MTRF1: variants seen among roughly 807,000 people sequenced by gnomAD.
MTRF1 encodes peptide chain release factor 1, mitochondrial.
MTRF1 carries 51 observed loss-of-function variants against 62.9 expected under a neutral mutation model. The observed-to-expected ratio is 0.81, with a 90% CI of 0.65 to 1.02. The LOEUF is 1.02. Ranked by LOEUF, MTRF1 falls within the 50% of genes least tolerant of loss-of-function variation. The probability of loss-of-function intolerance (pLI) is 0.00; values close to 1 mark genes in which losing one functional copy is unlikely to be tolerated. For missense variants in MTRF1, 446 were observed against 530.0 expected (o/e 0.84, Z 1.56); for synonymous variants, 158 against 181.9 (o/e 0.87, Z 1.06).
chr13:41,229,795 C>G (rs1308902576), intron 7 of MTRF1: 1 of 152,102 alleles, frequency 6.6e-6, no homozygotes. Flanking sequence ...TAAATTATGG[C>G]AAGTTACAAA....
At chr13:41,240,507 C>T in intron 5 of MTRF1, 74 bp from the exon 6 acceptor site, 1 of 1,407,524 alleles carries the variant, frequency 7.1e-7, no homozygotes, top group Non-Finnish European at 9.6e-7. Context: ...TGTCCTTAAT[C>T]TAAGGCCTGA....
the MTRF1 span, chr13:41,311,434 C>G: frequency 6.5e-6 from 8 of 1,230,384 alleles, no homozygotes; most frequent in African/African-American, 9.1e-5. Flanking sequence ...CAGCCCGACT[C>G]TCAGCAGCGG....
intron 7 of MTRF1, chr13:41,229,516 T>A (rs1170035083): frequency 1.3e-5 from 2 of 152,104 alleles, no homozygotes; most frequent in Non-Finnish European, 2.9e-5. Flanking sequence ...TAGTCTCTAA[T>A]AACCACAGTT....
chr13:41,232,694 C>T (rs1253014086), intron 7 of MTRF1, among the ~76,000 whole-genome samples: 1 of 152,022 alleles, frequency 6.6e-6, no homozygotes, highest in Non-Finnish European at 1.5e-5. Context: ...GATATAGAAC[C>T]CAAGAAACGG....
the MTRF1 span, among the ~76,000 whole-genome samples, chr13:41,298,327 C>T: frequency 1.2e-3 from 4 of 3,268 alleles, no homozygotes; most frequent in Admixed American, 6.7e-3. Context: ...GCCAGTTCTT[C>T]GTCTTATCCA....
At chr13:41,298,228 G>T in the MTRF1 span, among the ~76,000 whole-genome samples, 2 of 152,022 alleles carry the variant, frequency 1.3e-5, no homozygotes, top group Non-Finnish European at 2.9e-5. Flanking sequence ...TCTTCCTTAG[G>T]TAGGGTATGG....
chr13:41,293,182 AT>A, the MTRF1 span, among the ~76,000 whole-genome samples: 1 of 152,034 alleles, frequency 6.6e-6, no homozygotes, highest in South Asian at 2.1e-4. Flanking sequence ...GTTTAGATGT[AT>A]TTATACATAT....
the MTRF1 span, among the ~76,000 whole-genome samples, chr13:41,295,936 G>A: frequency 6.6e-6 from 1 of 151,964 alleles, no homozygotes; most frequent in African/African-American, 2.4e-5. Flanking sequence ...AGAACATCCA[G>A]CTAATTAAAT....
At chr13:41,231,894 A>C (rs1422758916) in intron 7 of MTRF1, among the ~76,000 whole-genome samples, 1 of 151,386 alleles carries the variant, frequency 6.6e-6, no homozygotes, top group Non-Finnish European at 1.5e-5. Flanking sequence ...AAAAAAAAAA[A>C]AAAGCAAAAA....
intron 1 of MTRF1, 137 bp from the exon 2 acceptor site, chr13:41,261,052 G>T (rs1281543925): frequency 2.3e-6 from 2 of 880,484 alleles, no homozygotes; most frequent in South Asian, 3.8e-5. Flanking sequence ...TTCAACTGCC[G>T]GCTGGCAGCA....
chr13:41,244,436 T>A (rs578216023), intron 5 of MTRF1, among the ~76,000 whole-genome samples: 26 of 152,340 alleles, frequency 1.7e-4, no homozygotes, highest in Middle Eastern at 3.4e-3. Context: ...TGGTTTCAAA[T>A]CTTTTATTTC....
intron 6 of MTRF1, chr13:41,236,118 T>TG (rs1470334557): frequency 9.1e-6 from 1 of 109,560 alleles, no homozygotes; most frequent in Non-Finnish European, 2.2e-5. Flanking sequence ...TTGTTTTTTT[T>TG]GGTTTTTTTT....
chr13:41,237,803 C>G (rs1469474989), intron 6 of MTRF1, among the ~76,000 whole-genome samples: 2 of 152,072 alleles, frequency 1.3e-5, no homozygotes, highest in Non-Finnish European at 2.9e-5. Context: ...CCCAGCCTGA[C>G]TATACATTCT....
the MTRF1 span, among the ~76,000 whole-genome samples, chr13:41,272,591 C>T: frequency 3.7e-4 from 57 of 152,130 alleles, no homozygotes; most frequent in Non-Finnish European, 5.0e-4. Flanking sequence ...CATCACTGAG[C>T]ACTCTAATGG....
intron 5 of MTRF1, among the ~76,000 whole-genome samples, chr13:41,247,780 T>G (rs1229372656): frequency 1.3e-5 from 2 of 152,130 alleles, no homozygotes; most frequent in Admixed American, 6.5e-5. Context: ...CTGCTGAGTA[T>G]GTCTACTCCA....
chr13:41,258,577 A>T lies in MTRF1; in HGVS notation c.415+1916T>A, dbSNP rs558316920. Among the ~76,000 whole-genome samples the T allele has an allele frequency of 5.9e-3, 240 of 40,960 alleles. 6 individuals are homozygous for T. In the South Asian group the frequency reaches 0.12, roughly 20 times the overall value. The allele number at this position is 40,960 out of a possible 152,430, so 26.9% of individuals were successfully genotyped here. On this transcript the variant is annotated intron_variant, in intron 2 of 9. Transcript: ENST00000379480. The stretch of plus-strand genomic sequence containing the variant: ...GGACCATCTCTTAAAAAAAAAAACA[A>T]AAAAAAAAAACATAAAAAATAAATA...
chr13:41,244,383 C>A (rs1456344720), intron 5 of MTRF1, among the ~76,000 whole-genome samples: 1 of 152,100 alleles, frequency 6.6e-6, no homozygotes, highest in East Asian at 1.9e-4. Context: ...TAGCCTATGT[C>A]TTAGTGTTGG....
chr13:41,276,963 T>C, the MTRF1 span, among the ~76,000 whole-genome samples: 1 of 152,186 alleles, frequency 6.6e-6, no homozygotes, highest in East Asian at 1.9e-4. Flanking sequence ...CCCTATGATT[T>C]CATCTCTGCC....
chr13:41,231,878 CAAA>C (rs57305711), intron 7 of MTRF1, among the ~76,000 whole-genome samples: 9 of 104,054 alleles, frequency 8.6e-5, no homozygotes, highest in Admixed American at 2.0e-4. Flanking sequence ...TGGTGTCTAC[CAAA>C]AAAAAAAAAA....
Sources: gnomAD v4.1 joint callset for allele counts (sites outside exome capture counted in the v4.1 genomes callset) on GRCh38, gnomAD v4.1.1 for gene constraint, MANE v1.5 for transcripts, NCBI Gene and HGNC (gene_info 2026-07-23, HGNC 2026-07-21) for gene names.